Variants in EPC1 observed in about 807,000 individuals in gnomAD.
EPC1 encodes the protein enhancer of polycomb 1.
EPC1 carries 12 observed loss-of-function variants against 98.4 expected under a neutral mutation model. That is an observed-to-expected ratio of 0.12 (90% CI 0.08 to 0.20). EPC1 has a LOEUF of 0.20. EPC1 is among the 10% of genes least tolerant of loss of function. The pLI is 1.00. For synonymous variants in EPC1, 357 were observed against 363.9 expected, an observed-to-expected ratio of 0.98 and a Z score of 0.21; for missense variants, 729 against 990.5, an observed-to-expected ratio of 0.74 and a Z score of 3.54.
Position 32,309,574 on chromosome 10 carries a change from G to A in EPC1, c.154-3643C>T, listed in dbSNP as rs531436221. 5.3e-5 allele frequency among the ~76,000 whole-genome samples: 8 copies of A among 150,500 alleles called. No homozygotes were observed. In the South Asian group the frequency reaches 1.1e-3, roughly 20 times the overall value. ...ATGTGTTTTAAACAACACAGCCTTG[G>A]GCTGGGCACGGTGGCTCACGCCTGT... On this transcript the variant is annotated intron_variant, in intron 1 of 13. Coordinates refer to ENST00000319778, the MANE Select transcript of EPC1 (RefSeq NM_001272004.3).
chr10:32,357,403 A>G (rs957961752), intron 1 of EPC1, among the ~76,000 whole-genome samples: 3 of 152,214 alleles, frequency 2.0e-5, no homozygotes, highest in Non-Finnish European at 2.9e-5. Flanking sequence ...TGATTTATTT[A>G]TAATAAGGTT....
chr10:32,370,680 TA>T (rs1839719930), intron 1 of EPC1, among the ~76,000 whole-genome samples: 1 of 152,192 alleles, frequency 6.6e-6, no homozygotes, highest in South Asian at 2.1e-4. Context: ...AAATGTGCCA[TA>T]AATCTGTGCT....
At chr10:32,316,984 T>C (rs1836592955) in intron 1 of EPC1, among the ~76,000 whole-genome samples, 1 of 152,174 alleles carries the variant, frequency 6.6e-6, no homozygotes, top group South Asian at 2.1e-4. Context: ...ATCTAGCTAG[T>C]GGTATATTAT....
At chr10:32,320,903 G>C (rs1184824903) in intron 1 of EPC1, among the ~76,000 whole-genome samples, 4 of 41,950 alleles carry the variant, frequency 9.5e-5, no homozygotes, top group Non-Finnish European at 2.4e-4. Flanking sequence ...CACTGTTCAT[G>C]TGAGTTCTTT....
chr10:32,345,894 G>A (rs933259934), intron 1 of EPC1, among the ~76,000 whole-genome samples: 1 of 152,160 alleles, frequency 6.6e-6, no homozygotes, highest in Non-Finnish European at 1.5e-5. Context: ...TGAGATACCA[G>A]AGAGCAGGAG....
At chr10:32,331,856 T>C (rs554017552) in intron 1 of EPC1, among the ~76,000 whole-genome samples, 3 of 152,336 alleles carry the variant, frequency 2.0e-5, no homozygotes, top group South Asian at 2.1e-4. Context: ...ACAAAACATT[T>C]TGGGGGAGGC....
intron 1 of EPC1, among the ~76,000 whole-genome samples, chr10:32,354,358 G>A (rs1839210106): frequency 1.3e-5 from 2 of 152,148 alleles, no homozygotes; most frequent in South Asian, 4.1e-4. Context: ...GGAGGCTGAG[G>A]TAGGAGAATG....
chr10:32,312,694 A>G (rs1005101046), intron 1 of EPC1, among the ~76,000 whole-genome samples: 2 of 152,200 alleles, frequency 1.3e-5, no homozygotes, highest in South Asian at 4.1e-4. Context: ...GGAGTGCTTA[A>G]ATGTTATGTG....
At chr10:32,342,016 C>T (rs185925972) in intron 1 of EPC1, among the ~76,000 whole-genome samples, 2 of 152,316 alleles carry the variant, frequency 1.3e-5, no homozygotes, top group East Asian at 1.9e-4. Context: ...CCTAGCTTAG[C>T]AACTTTATGC....
At chr10:32,334,212 G>A (rs981558124) in intron 1 of EPC1, among the ~76,000 whole-genome samples, 2 of 152,090 alleles carry the variant, frequency 1.3e-5, no homozygotes, top group African/African-American at 4.8e-5. Context: ...CCCGCCCCCC[G>A]CTTTGATAGG....
intron 1 of EPC1, among the ~76,000 whole-genome samples, chr10:32,360,832 T>G (rs1207686874): frequency 6.6e-6 from 1 of 151,138 alleles, no homozygotes; most frequent in Non-Finnish European, 1.5e-5. Flanking sequence ...AGGCGAAGGT[T>G]GCAGTGAGCC....
intron 2 of EPC1, among the ~76,000 whole-genome samples, chr10:32,304,466 T>G (rs913397301): frequency 3.3e-5 from 5 of 152,212 alleles, no homozygotes; most frequent in Non-Finnish European, 7.3e-5. Context: ...TCTATCACAC[T>G]TGTTTATAAC....
upstream of EPC1, among the ~76,000 whole-genome samples, chr10:32,350,724 T>G (rs913858782): frequency 6.6e-5 from 10 of 152,212 alleles, no homozygotes; most frequent in Non-Finnish European, 1.5e-5. Context: ...GTGATTTCTG[T>G]TCCAAATACA....
chr10:32,326,861 A>T (rs1301989037), intron 1 of EPC1, among the ~76,000 whole-genome samples: 1 of 152,134 alleles, frequency 6.6e-6, no homozygotes, highest in Non-Finnish European at 1.5e-5. Context: ...CACCTCACTC[A>T]AGTGAGAACG....
At chr10:32,308,957 G>A (rs939118018) in intron 1 of EPC1, among the ~76,000 whole-genome samples, 4 of 152,174 alleles carry the variant, frequency 2.6e-5, no homozygotes, top group Admixed American at 2.0e-4. Flanking sequence ...AGCCATAAAA[G>A]AGAATGAAAA....
chr10:32,362,626 T>C (rs1206346797), intron 1 of EPC1, among the ~76,000 whole-genome samples: 1 of 152,182 alleles, frequency 6.6e-6, no homozygotes, highest in Non-Finnish European at 1.5e-5. Context: ...CTCTTTTCTT[T>C]ATAAATTACG....
chr10:32,343,239 C>T lies in EPC1; in HGVS notation c.153+3524G>A, dbSNP rs370202857. On this transcript the variant is annotated intron_variant, in intron 1 of 13. Coordinates refer to ENST00000319778, the MANE Select transcript of EPC1 (RefSeq NM_001272004.3). ...AAATTATTTTTTCTGAAACGAGTTT[C>T]GCTCTTCTTGCACAGGCTGTGAGTG... is the stretch of plus-strand genomic sequence containing the variant. Among the ~76,000 whole-genome samples, 19 of 152,254 alleles carry T rather than the reference C, an allele frequency of 1.2e-4. No homozygotes were observed. The East Asian group carries it at 1.9e-3, about 15-fold the overall frequency.
chr10:32,291,352 T>G (rs776698784), intron 5 of EPC1, 30 bp from the exon 6 acceptor site: 7 of 1,516,424 alleles, frequency 4.6e-6, no homozygotes, highest in Non-Finnish European at 6.3e-6. Flanking sequence ...AGTTTAAAAT[T>G]ATATATATTT....
chr10:32,378,319 AT>A (rs976167444), intron 1 of EPC1, among the ~76,000 whole-genome samples: 61 of 149,334 alleles, frequency 4.1e-4, no homozygotes, highest in African/African-American at 1.2e-3. Context: ...AAAAAAAACT[AT>A]TTTTTTTTCT....
Sources: gnomAD v4.1 joint callset for allele counts (sites outside exome capture counted in the v4.1 genomes callset) on GRCh38, gnomAD v4.1.1 for gene constraint, MANE v1.5 for transcripts, NCBI Gene and HGNC (gene_info 2026-07-23, HGNC 2026-07-21) for gene names.